The following CPM variants were observed in gnomAD, a reference collection of about 807,000 sequenced individuals.
CPM encodes the protein carboxypeptidase M.
A neutral mutation model predicts 46.4 loss-of-function variants in CPM; 35 were observed. The ratio of observed to expected loss-of-function variants is 0.75; its 90% confidence interval spans 0.58 to 1.00. The LOEUF (loss-of-function observed/expected upper bound fraction) is 1.00, where lower values mean the gene tolerates loss of function less well. Ranked by LOEUF, CPM falls within the 50% of genes least tolerant of loss-of-function variation. The pLI, the probability that CPM is intolerant of heterozygous loss-of-function variation, is 0.00. For missense variants in CPM, 422 were observed against 530.4 expected (o/e 0.80, Z 2.01); for synonymous variants, 195 against 195.3 (o/e 1.00, Z 0.01).
Position 68,870,957 on chromosome 12 carries a change from C to T in CPM, c.432-558G>A, listed in dbSNP as rs191927148. Among the ~76,000 whole-genome samples, 366 of 150,342 alleles carry T rather than the reference C, an allele frequency of 2.4e-3. 3 individuals carry two copies. The highest frequency in any genetic ancestry group is 8.5e-3 in the African/African-American group (336 of 39,712). On this transcript the variant is annotated intron_variant, in intron 4 of 8. Coordinates refer to ENST00000551568, the MANE Select transcript of CPM (RefSeq NM_198320.5). ...ACATTACACAGAAGTACTTGTGAAA[C>T]GTGGAACAGCCATGTTTAAATATAT...
At chr12:68,902,922 A>T (rs1887172509) in intron 2 of CPM, among the ~76,000 whole-genome samples, 1 of 152,180 alleles carries the variant, frequency 6.6e-6, no homozygotes, top group South Asian at 2.1e-4. Context: ...TTCATCTCCC[A>T]TGTCCCTCTC....
At chr12:68,961,596 A>G (rs914874695) in intron 1 of CPM, among the ~76,000 whole-genome samples, 9 of 152,136 alleles carry the variant, frequency 5.9e-5, no homozygotes. Flanking sequence ...TGGCTTATGT[A>G]TTTTTTATTT....
At chr12:68,948,113 C>T (rs1446955762) in intron 1 of CPM, among the ~76,000 whole-genome samples, 1 of 152,106 alleles carries the variant, frequency 6.6e-6, no homozygotes, top group Non-Finnish European at 1.5e-5. Flanking sequence ...TTTAGTTTTG[C>T]CTTTCTAGAG....
At chr12:68,907,152 C>G (rs1271111073) in intron 2 of CPM, among the ~76,000 whole-genome samples, 2 of 152,212 alleles carry the variant, frequency 1.3e-5, no homozygotes, top group African/African-American at 2.4e-5. Flanking sequence ...TTTAAAGAGG[C>G]TCCTTCTAGC....
At chr12:68,932,910 C>T (rs762519322) in intron 1 of CPM, 70 bp from the exon 2 acceptor site, 1 of 1,435,180 alleles carries the variant, frequency 7.0e-7, no homozygotes, top group Non-Finnish European at 9.6e-7. Flanking sequence ...CCAGCTACGT[C>T]TCGGTACTCC....
chr12:68,939,143 A>C (rs1420923983), intron 1 of CPM, among the ~76,000 whole-genome samples: 4 of 145,846 alleles, frequency 2.7e-5, no homozygotes, highest in Non-Finnish European at 4.5e-5. Context: ...ATATGTACAT[A>C]TATCTATAAT....
At chr12:68,878,305 A>G (rs1252677800) in intron 3 of CPM, among the ~76,000 whole-genome samples, 1 of 152,270 alleles carries the variant, frequency 6.6e-6, no homozygotes, top group African/African-American at 2.4e-5. Flanking sequence ...TCCTGAATGT[A>G]GGACTAACAA....
chr12:68,949,207 C>CA (rs1283984497), intron 1 of CPM, among the ~76,000 whole-genome samples: 2 of 152,062 alleles, frequency 1.3e-5, no homozygotes, highest in Non-Finnish European at 2.9e-5. Flanking sequence ...CTCATCTGTA[C>CA]AAAAAATACA....
chr12:68,887,083 T>C (rs1490863096), intron 2 of CPM, among the ~76,000 whole-genome samples: 2 of 152,224 alleles, frequency 1.3e-5, no homozygotes, highest in African/African-American at 2.4e-5. Context: ...TCTATTTGAC[T>C]TCAATTCTAG....
At chr12:68,924,311 A>G (rs972170225) in intron 2 of CPM, among the ~76,000 whole-genome samples, 4 of 152,104 alleles carry the variant, frequency 2.6e-5, no homozygotes, top group African/African-American at 9.7e-5. Context: ...CCTGGCCAAC[A>G]TGGTAAAACC....
intron 1 of CPM, among the ~76,000 whole-genome samples, chr12:68,942,814 A>G (rs1176085504): frequency 6.6e-6 from 1 of 152,198 alleles, no homozygotes; most frequent in Non-Finnish European, 1.5e-5. Context: ...GCACAGCATG[A>G]CCTTCTTAGC....
chr12:68,939,295 T>C (rs369017981), intron 1 of CPM, among the ~76,000 whole-genome samples: 1 of 147,754 alleles, frequency 6.8e-6, no homozygotes, highest in South Asian at 2.1e-4. Flanking sequence ...ATATAGTATA[T>C]GTATTATGTG....
chr12:68,864,558 A>C (rs1245639692), intron 7 of CPM, among the ~76,000 whole-genome samples: 13 of 152,266 alleles, frequency 8.5e-5, no homozygotes. Flanking sequence ...ATATTACATC[A>C]ACATGATACT....
chr12:68,923,157 TAG>T (rs63572761), intron 2 of CPM, among the ~76,000 whole-genome samples: 5,142 of 59,394 alleles, frequency 0.087, 215 homozygotes, highest in East Asian at 0.14. Context: ...GTATTTGATA[TAG>T]AGTGTGTGTG....
Position 68,932,800 on chromosome 12 carries a change from G to A in CPM, c.38C>T (p.Pro13Leu). The stretch of plus-strand genomic sequence containing the variant: ...GTTGAAATCCAGCGCAGCTACCAAA[G>A]GCAGCAACAGCCCTAGCCAGAGGCA... ...FPCLWLGLLL[P>L]LVAALDFNYH... The change falls in exon 2 of 9, where the codon CCT (proline) becomes CTT (leucine). Residue 13 changes from proline to leucine, a missense_variant. Pro to Leu is a moderately conservative substitution (Grantham distance 98, BLOSUM62 -3). Transcript: ENST00000551568. 6.2e-7 allele frequency: 1 copy of A among 1,614,168 alleles called. No homozygotes were observed. Among genetic ancestry groups the A allele is most frequent in the Admixed American group, 1.7e-5 (1 of 60,024 alleles).
intron 2 of CPM, among the ~76,000 whole-genome samples, chr12:68,904,947 C>T (rs1024948934): frequency 1.4e-4 from 22 of 152,168 alleles, no homozygotes; most frequent in Admixed American, 1.0e-3. Context: ...TCATTCTTGT[C>T]GCTCACGCTG....
chr12:68,923,099 T>C (rs1888102732), intron 2 of CPM, among the ~76,000 whole-genome samples: 1 of 150,594 alleles, frequency 6.6e-6, no homozygotes, highest in African/African-American at 2.5e-5. Context: ...ACAGGAAGAT[T>C]TGACTAAATT....
At chr12:68,916,332 C>CA (rs1887802626) in intron 2 of CPM, among the ~76,000 whole-genome samples, 1 of 151,702 alleles carries the variant, frequency 6.6e-6, no homozygotes, top group Non-Finnish European at 1.5e-5. Context: ...CTGTTGAAGG[C>CA]AAAAAAGAAA....
chr12:68,878,935 C>A (rs1391004629), intron 3 of CPM, among the ~76,000 whole-genome samples: 2 of 152,222 alleles, frequency 1.3e-5, no homozygotes, highest in Admixed American at 6.5e-5. Context: ...AGCCTGTAAT[C>A]CCAACACTTT....
Sources: gnomAD v4.1 joint callset for allele counts (sites outside exome capture counted in the v4.1 genomes callset) on GRCh38, gnomAD v4.1.1 for gene constraint, MANE v1.5 for transcripts, NCBI Gene and HGNC (gene_info 2026-07-23, HGNC 2026-07-21) for gene names.